GLMN: variants seen among roughly 807,000 people sequenced by gnomAD.
GLMN encodes the protein glomulin, FKBP associated protein, also known as glomulin.
GLMN carries 75 observed loss-of-function variants against 87.8 expected under a neutral mutation model. That is an observed-to-expected ratio of 0.85 (90% CI 0.71 to 1.04). GLMN has a LOEUF of 1.04. Among genes scored for constraint, GLMN ranks in the 50% least tolerant of loss-of-function variants. GLMN has a pLI of 0.00. For missense variants in GLMN, 588 were observed against 658.8 expected (o/e 0.89, Z 1.18); for synonymous variants, 206 against 221.6 (o/e 0.93, Z 0.63).
the GLMN span, among the ~76,000 whole-genome samples, chr1:92,326,356 T>C: frequency 6.6e-6 from 1 of 152,160 alleles, no homozygotes; most frequent in East Asian, 1.9e-4. Flanking sequence ...CCTGCTCTGG[T>C]GGAGATGGCA....
intron 16 of GLMN, among the ~76,000 whole-genome samples, chr1:92,261,106 G>A (rs1309039094): frequency 6.6e-6 from 1 of 152,178 alleles, no homozygotes; most frequent in Non-Finnish European, 1.5e-5. Context: ...CCTTCCTGAA[G>A]TCTCAGGGCC....
chr1:92,261,347 C>G (rs186313695), intron 16 of GLMN, among the ~76,000 whole-genome samples: 5 of 152,200 alleles, frequency 3.3e-5, no homozygotes, highest in Admixed American at 3.3e-4. Context: ...CATGGTGGCC[C>G]ATGCCTGGAA....
At chr1:92,302,351 C>A (rs1042920857), upstream of GLMN, among the ~76,000 whole-genome samples, 9 of 150,488 alleles carry the variant, frequency 6.0e-5, no homozygotes, top group Middle Eastern at 3.4e-3. Flanking sequence ...AAAGAAAAAG[C>A]AAATATATTT....
At chr1:92,247,255 A>G in intron 17 of GLMN, 111 bp from the exon 18 acceptor site, 1 of 742,834 alleles carries the variant, frequency 1.3e-6, no homozygotes. Context: ...TGTATAAATT[A>G]TTAAGTCCAT....
chr1:92,280,148 A>C (rs1647837602), intron 7 of GLMN, among the ~76,000 whole-genome samples: 1 of 152,236 alleles, frequency 6.6e-6, no homozygotes, highest in African/African-American at 2.4e-5. Context: ...TAATAGACAG[A>C]CTGCCTCCTC....
chr1:92,286,489 CT>C lies in GLMN; in HGVS notation c.735del (p.Ile245MetfsTer14), dbSNP rs1327797239. The C allele has an allele frequency of 7.2e-7, 1 of 1,392,680 alleles. No homozygotes were observed. Among genetic ancestry groups the C allele is most frequent in the Admixed American group, 1.7e-5 (1 of 59,718 alleles). 86.3% of individuals were successfully genotyped at this position (1,392,680 alleles called of 1,614,324 possible). ...TAGCAGATTAAATTAGCTGTACTTA[CT>C]ATTATTTCTGATGCAAAATACCTGA... ...DPFRYFASEI[I>X]GFLSAIGHPF... On this transcript the variant is annotated frameshift_variant and splice_region_variant, in exon 7 of 19. Transcript: ENST00000370360. LOFTEE classifies it high-confidence loss of function.
At chr1:92,298,384 T>G (rs1650416000) in intron 1 of GLMN, among the ~76,000 whole-genome samples, 2 of 152,138 alleles carry the variant, frequency 1.3e-5, no homozygotes, top group Admixed American at 1.3e-4. Context: ...CTAAAGGGCT[T>G]TTAAAAAGCA....
chr1:92,279,226 C>T (rs1242992992), intron 7 of GLMN, among the ~76,000 whole-genome samples: 10 of 152,038 alleles, frequency 6.6e-5, no homozygotes, highest in South Asian at 4.1e-4. Context: ...GAGGCTGAGG[C>T]GGGTGGATCA....
intron 16 of GLMN, among the ~76,000 whole-genome samples, chr1:92,250,033 T>C (rs1426432918): frequency 6.6e-6 from 1 of 151,986 alleles, no homozygotes; most frequent in Non-Finnish European, 1.5e-5. Flanking sequence ...CATTCACCTC[T>C]GGGTTTATAG....
intron 7 of GLMN, among the ~76,000 whole-genome samples, chr1:92,273,476 A>T (rs1656472423): frequency 8.0e-6 from 1 of 125,732 alleles, no homozygotes; most frequent in Non-Finnish European, 1.6e-5. Context: ...ACAAGGTCTC[A>T]CTCTGTCACT....
intron 7 of GLMN, among the ~76,000 whole-genome samples, chr1:92,281,142 G>T (rs963283778): frequency 3.9e-5 from 6 of 152,160 alleles, no homozygotes; most frequent in Non-Finnish European, 5.9e-5. Flanking sequence ...TCCTTGAGAA[G>T]AGCAACCCCA....
the GLMN span, among the ~76,000 whole-genome samples, chr1:92,320,201 G>C: frequency 6.6e-6 from 1 of 152,106 alleles, no homozygotes; most frequent in Non-Finnish European, 1.5e-5. Context: ...TGAAAAGTGA[G>C]TATAGTTTGG....
intron 16 of GLMN, among the ~76,000 whole-genome samples, chr1:92,262,042 AT>A (rs1655118518): frequency 6.6e-6 from 1 of 152,198 alleles, no homozygotes; most frequent in Non-Finnish European, 1.5e-5. Flanking sequence ...CTGAAGAGGG[AT>A]GAACGGGGGT....
At chr1:92,363,262 G>A in the GLMN span, among the ~76,000 whole-genome samples, 1 of 152,034 alleles carries the variant, frequency 6.6e-6, no homozygotes, top group South Asian at 2.1e-4. Flanking sequence ...TTAAGCATAC[G>A]GTATGGAGAA....
the GLMN span, among the ~76,000 whole-genome samples, chr1:92,308,980 A>C: frequency 1.7e-4 from 26 of 152,176 alleles, no homozygotes; most frequent in South Asian, 5.0e-3. Flanking sequence ...TAAATAAATA[A>C]AATGAAGTAA....
upstream of GLMN, chr1:92,300,292 C>A: frequency 2.3e-6 from 3 of 1,300,434 alleles, no homozygotes; most frequent in South Asian, 1.3e-5. Context: ...TCTTGTATTA[C>A]TTGTACCAAT....
the GLMN span, among the ~76,000 whole-genome samples, chr1:92,344,873 A>T: frequency 9.2e-5 from 14 of 152,152 alleles, no homozygotes; most frequent in Admixed American, 7.2e-4. Context: ...TTCCTCCTCT[A>T]TAAATTCCCT....
At chr1:92,340,827 A>G in the GLMN span, among the ~76,000 whole-genome samples, 1 of 152,112 alleles carries the variant, frequency 6.6e-6, no homozygotes, top group African/African-American at 2.4e-5. Context: ...TCGTAGTGTA[A>G]AGCAGTTTCC....
chr1:92,262,547 G>C (rs944306768), intron 16 of GLMN, among the ~76,000 whole-genome samples: 3 of 152,166 alleles, frequency 2.0e-5, no homozygotes, highest in Admixed American at 6.5e-5. Flanking sequence ...GGAGGAAACT[G>C]AACAAGACAC....
Sources: allele counts gnomAD v4.1 joint callset (sites outside exome capture counted in the v4.1 genomes callset), GRCh38; gene constraint gnomAD v4.1.1; transcripts MANE v1.5; gene names NCBI Gene and HGNC (gene_info 2026-07-23, HGNC 2026-07-21).